HMG20A: variants seen among roughly 807,000 people sequenced by gnomAD.
HMG20A encodes high mobility group protein 20A.
In HMG20A, 17 loss-of-function variants were observed where a neutral mutation model predicts 43.9. The observed-to-expected ratio is 0.39, with a 90% CI of 0.27 to 0.58. The LOEUF (loss-of-function observed/expected upper bound fraction) is 0.58, where lower values mean the gene tolerates loss of function less well. Ranked by LOEUF, HMG20A falls within the 20% of genes least tolerant of loss-of-function variation. The probability of loss-of-function intolerance (pLI) is 0.59; values close to 1 mark genes in which losing one functional copy is unlikely to be tolerated. For missense variants in HMG20A, 341 were observed against 438.2 expected, an observed-to-expected ratio of 0.78 and a Z score of 1.98; for synonymous variants, 132 against 147.5, an observed-to-expected ratio of 0.89 and a Z score of 0.76.
In HMG20A at chr15:77,483,799, TG is replaced by T. The variant is rs2072925021; in HGVS notation, c.*837del. The T allele has an allele frequency of 6.5e-6, 1 of 152,676 alleles. No homozygotes were observed. The highest frequency in any genetic ancestry group is 1.5e-5 in the Non-Finnish European group (1 of 68,058). 9.5% of individuals were successfully genotyped at this position (152,676 alleles called of 1,614,324 possible). ...ACAATGTCTTGTGGAGCATTTTTGC[TG>T]AGGAAAAGGTCACTTGTAAACAGAG... On this transcript the variant is annotated 3_prime_UTR_variant, in exon 10 of 10. Coordinates refer to ENST00000336216, the MANE Select transcript of HMG20A (RefSeq NM_001304504.2).
the HMG20A span, among the ~76,000 whole-genome samples, chr15:77,513,970 C>T: frequency 6.6e-6 from 1 of 152,164 alleles, no homozygotes; most frequent in East Asian, 1.9e-4. Context: ...GTGATCTGCC[C>T]ACCTCGGCCT....
Position 77,474,387 on chromosome 15 carries a change from T to C in HMG20A, c.615+2573T>C, listed in dbSNP as rs189826797. The stretch of plus-strand genomic sequence containing the variant: ...TCATTTTGCCAGTGAGGAAAGTGAC[T>C]TGCCTAAGACAGTATATAGAATGGA... On this transcript the variant is annotated intron_variant, in intron 6 of 9. Coordinates refer to ENST00000336216, the MANE Select transcript of HMG20A (RefSeq NM_001304504.2). 7.2e-5 allele frequency among the ~76,000 whole-genome samples: 11 copies of C among 152,316 alleles called. No homozygotes were observed. The East Asian group carries it at 1.9e-3, about 27-fold the overall frequency.
At chr15:77,510,649 G>A in the HMG20A span, among the ~76,000 whole-genome samples, 2 of 152,194 alleles carry the variant, frequency 1.3e-5, no homozygotes, top group African/African-American at 4.8e-5. Context: ...GGGTTCAAGT[G>A]CTGGGTGGAC....
chr15:77,445,333 T>C (rs2073660859), intron 1 of HMG20A, among the ~76,000 whole-genome samples: 1 of 152,232 alleles, frequency 6.6e-6, no homozygotes, highest in Admixed American at 6.5e-5. Flanking sequence ...ACCCTTTCCC[T>C]GGAATTGTTA....
At chr15:77,514,538 C>T in the HMG20A span, among the ~76,000 whole-genome samples, 4 of 152,112 alleles carry the variant, frequency 2.6e-5, no homozygotes, top group Non-Finnish European at 5.9e-5. Context: ...CCTCCTGTTT[C>T]AAAAAGTGAA....
At chr15:77,464,551 A>G in intron 3 of HMG20A, 164 bp downstream of exon 3, 1 of 552,870 alleles carries the variant, frequency 1.8e-6, no homozygotes, top group Non-Finnish European at 3.2e-6. Flanking sequence ...AACCATATTA[A>G]TAATTTTAAT....
At chr15:77,501,848 C>G in the HMG20A span, among the ~76,000 whole-genome samples, 1 of 152,172 alleles carries the variant, frequency 6.6e-6, no homozygotes, top group Admixed American at 6.5e-5. Context: ...GGGGGCAAAT[C>G]TGGGGATATC....
intron 1 of HMG20A, among the ~76,000 whole-genome samples, chr15:77,443,027 CTTTTT>C (rs998172099): frequency 1.7e-5 from 2 of 118,700 alleles, no homozygotes; most frequent in South Asian, 2.7e-4. Context: ...CTACTTTGAA[CTTTTT>C]TTTTTTTTTT....
chr15:77,477,716 GGT>G, intron 7 of HMG20A, 86 bp downstream of exon 7: 5 of 885,740 alleles, frequency 5.6e-6, no homozygotes, highest in Non-Finnish European at 9.2e-6. Context: ...CAAAAGCAAT[GGT>G]AGTGTTATCC....
intron 1 of HMG20A, among the ~76,000 whole-genome samples, chr15:77,450,624 G>A (rs1434941952): frequency 1.3e-5 from 2 of 152,156 alleles, no homozygotes; most frequent in African/African-American, 4.8e-5. Flanking sequence ...AGTAAAAAAT[G>A]TGACATACCA....
the HMG20A span, among the ~76,000 whole-genome samples, chr15:77,508,064 T>C: frequency 5.3e-5 from 8 of 152,152 alleles, no homozygotes; most frequent in African/African-American, 1.9e-4. Flanking sequence ...AGGCCAAGGC[T>C]ATTTTTGTTT....
At chr15:77,433,873 G>C (rs534706572) in intron 1 of HMG20A, among the ~76,000 whole-genome samples, 1 of 152,352 alleles carries the variant, frequency 6.6e-6, no homozygotes, top group South Asian at 2.1e-4. Flanking sequence ...TTGTGTACAT[G>C]ATGGAAGGAG....
chr15:77,500,800 C>T, the HMG20A span, among the ~76,000 whole-genome samples: 1 of 152,070 alleles, frequency 6.6e-6, no homozygotes, highest in Non-Finnish European at 1.5e-5. Flanking sequence ...AACTCCTGAC[C>T]TCAGGGGATC....
At chr15:77,426,266 G>C (rs2073426749) in intron 1 of HMG20A, among the ~76,000 whole-genome samples, 1 of 152,138 alleles carries the variant, frequency 6.6e-6, no homozygotes, top group Admixed American at 6.5e-5. Context: ...TAACCCCTGT[G>C]TTGTCAAAAA....
the HMG20A span, among the ~76,000 whole-genome samples, chr15:77,490,950 A>G: frequency 1.3e-5 from 2 of 152,348 alleles, no homozygotes; most frequent in African/African-American, 2.4e-5. Context: ...TCCTCAGCGC[A>G]TGTGCACACA....
rs2072940528 is a variant in HMG20A, at chr15:77,485,560, G to C, written c.*2597G>C. The C allele has an allele frequency of 6.6e-6, 1 of 152,608 alleles. No homozygotes were observed. Among genetic ancestry groups the C allele is most frequent in the African/African-American group, 2.4e-5 (1 of 41,442 alleles). The allele number at this position is 152,608 out of a possible 1,614,324, so 9.5% of individuals were successfully genotyped here. ...TTTCTTTGTTTTTTAAGAAGTTGAT[G>C]TGCTTGTTTGACATTTGTCTCATTA... is the stretch of plus-strand genomic sequence containing the variant. On this transcript the variant is annotated 3_prime_UTR_variant, in exon 10 of 10. Transcript: ENST00000336216.
At chr15:77,429,576 C>G (rs137867190) in intron 1 of HMG20A, among the ~76,000 whole-genome samples, 1 of 152,242 alleles carries the variant, frequency 6.6e-6, no homozygotes, top group Non-Finnish European at 1.5e-5. Context: ...AATGTTCATA[C>G]TTTTGAGCCA....
the HMG20A span, among the ~76,000 whole-genome samples, chr15:77,493,007 C>T: frequency 6.6e-6 from 1 of 152,198 alleles, no homozygotes; most frequent in Non-Finnish European, 1.5e-5. Flanking sequence ...TGTAAATACC[C>T]TTTAGGCAGC....
At chr15:77,495,205 T>C in the HMG20A span, among the ~76,000 whole-genome samples, 1 of 152,190 alleles carries the variant, frequency 6.6e-6, no homozygotes, top group Non-Finnish European at 1.5e-5. Context: ...GGATTGTACA[T>C]GCAAGGAGCA....
Sources: allele counts gnomAD v4.1 joint callset (sites outside exome capture counted in the v4.1 genomes callset), GRCh38; gene constraint gnomAD v4.1.1; transcripts MANE v1.5; gene names NCBI Gene and HGNC (gene_info 2026-07-23, HGNC 2026-07-21).